The following VWF variants were observed in gnomAD, a reference collection of about 807,000 sequenced individuals.
VWF encodes the protein Factor VIII related antigen.
In VWF, 176 loss-of-function variants were observed where a neutral mutation model predicts 308.6. That is an observed-to-expected ratio of 0.57 (90% CI 0.50 to 0.65). The LOEUF is 0.65. Ranked by LOEUF, VWF falls within the 30% of genes least tolerant of loss-of-function variation. VWF has a pLI of 0.00. For synonymous variants in VWF, 1,385 were observed against 1,443.4 expected (o/e 0.96, Z 0.92); for missense variants, 3,146 against 3,648.2 (o/e 0.86, Z 3.55).
At chr12:6,052,930 C>G in intron 15 of VWF, 147 bp from the exon 16 acceptor site, 1 of 1,262,916 alleles carries the variant, frequency 7.9e-7, no homozygotes. Flanking sequence ...CTTGCAATTA[C>G]AAGAAGTAAT....
Position 5,991,949 on chromosome 12 carries a change from T to G in VWF, c.6668A>C (p.Asn2223Thr), listed in dbSNP as rs369015684. Residue 2223 changes from asparagine to threonine, a missense_variant, in exon 38 of 52, where the codon AAC becomes ACC. Physicochemically the swap from Asn to Thr is moderately conservative, Grantham distance 65. Around this residue, in one of 3 missense-constraint regions of VWF, gnomAD observed 989 missense variants for 1,117.4 expected, o/e 0.89. Coordinates refer to ENST00000261405, the MANE Select transcript of VWF (RefSeq NM_000552.5). ...EHGCPRHCDG[N>T]VSSCGDHPSE... ...GGGATGGTCCCCACAGGAGCTCACG[T>G]TGCCATCACAGTGCCGGGGACAGCC... The G allele has an allele frequency of 1.2e-6, 2 of 1,614,072 alleles. No individual in the cohort carries two copies. Among genetic ancestry groups the G allele is most frequent in the African/African-American group, 2.7e-5 (2 of 74,934 alleles).
chr12:6,080,508 G>A (rs2136480692), intron 6 of VWF, among the ~76,000 whole-genome samples: 1 of 152,362 alleles, frequency 6.6e-6, no homozygotes, highest in Non-Finnish European at 1.5e-5. Flanking sequence ...AGTCTGCACA[G>A]GGCCCTGGAT....
intron 13 of VWF, among the ~76,000 whole-genome samples, chr12:6,061,788 A>G (rs1944657568): frequency 6.6e-6 from 1 of 152,212 alleles, no homozygotes; most frequent in Non-Finnish European, 1.5e-5. Flanking sequence ...TGAAGACGCT[A>G]TTTGCCTTTT....
rs1354387158 is a variant in VWF at position 5,994,576 on chromosome 12, G to A, written c.6095C>T (p.Pro2032Leu). 1.9e-6 allele frequency: 3 copies of A among 1,613,990 alleles called. No individual in the cohort carries two copies. The highest frequency in any genetic ancestry group is 2.2e-5 in the East Asian group (1 of 44,878). ...VTVNGRLVSV[P>L]YVGGNMEVNV... ...GACTTCCATGTTCCCACCCACGTAA[G>A]GAACAGAGACCAGTCTCCCATTCAC... Residue 2032 changes from proline (P) to leucine (L), a missense_variant, in exon 36 of 52, where the codon CCT becomes CTT. Pro to Leu is a moderately conservative substitution (Grantham distance 98). This residue lies in a region of VWF where 989 missense variants were observed against 1,117.4 expected (regional missense o/e 0.89). Coordinates refer to ENST00000261405, the MANE Select transcript of VWF (RefSeq NM_000552.5).
rs116663072 is a variant in VWF, at chr12:6,052,443, G to A, written c.2186+100C>T. 1,053 of 1,570,988 alleles carry A rather than the reference G, an allele frequency of 6.7e-4. 15 individuals carry two copies. The African/African-American group carries it at 0.013, about 19-fold the overall frequency. On this transcript the variant is annotated intron_variant, in intron 16 of 51. Transcript: ENST00000261405. ...CTGGACAAGTCACTTCCTTCCTTGG[G>A]CCCCAGTTTACCCATCCATGAAGTA...
intron 13 of VWF, among the ~76,000 whole-genome samples, chr12:6,059,547 G>A (rs1177526628): frequency 6.6e-6 from 1 of 152,178 alleles, no homozygotes; most frequent in Non-Finnish European, 1.5e-5. Context: ...AGCAGATTTG[G>A]TGTCTGGTGA....
chr12:6,016,731 C>T, intron 29 of VWF, 23 bp downstream of exon 29: 2 of 1,614,250 alleles, frequency 1.2e-6, no homozygotes, highest in Non-Finnish European at 8.5e-7. Context: ...TCACCTGCTG[C>T]TTCAGGTGCC....
chr12:6,058,017 A>G lies in VWF; in HGVS notation c.1561T>C (p.Cys521Arg). The G allele has an allele frequency of 1.9e-6, 3 of 1,613,298 alleles. No homozygotes were observed. The highest frequency in any genetic ancestry group is 2.5e-6 in the Non-Finnish European group (3 of 1,180,040). The change falls in exon 14 of 52, where the codon TGC becomes CGC. Residue 521 changes from cysteine (C) to arginine (R), a missense_variant. Around this residue, in one of 3 missense-constraint regions of VWF, gnomAD observed 1,304 missense variants for 1,353.0 expected, o/e 0.96. Transcript: ENST00000261405. The surrounding 1 kb of genome is among the most constrained non-coding windows in gnomAD (Gnocchi z 4.9). ...CCATTGTAATTCCCACACAGGCCGC[A>G]GGTCTTCCCGGCATAGACGGGGGAC... ...KLSPVYAGKTCGLCGNYNGNQ... is the reference protein window; with the variant it reads ...KLSPVYAGKTRGLCGNYNGNQ...
In VWF at chr12:6,112,450, C is replaced by T. The variant is rs561971417; in HGVS notation, c.221-1482G>A. Among the ~76,000 whole-genome samples the T allele has an allele frequency of 6.6e-5, 10 of 152,096 alleles. No individual in the cohort carries two copies. The South Asian group carries it at 2.1e-3, about 32-fold the overall frequency. ...AGAGTCTGGTCTCAAGCCTTGGAGA[C>T]TGAGAAATTAATGGAAATAGGAAAG... On this transcript the variant is annotated intron_variant, in intron 3 of 51. Coordinates refer to ENST00000261405, the MANE Select transcript of VWF (RefSeq NM_000552.5).
intron 40 of VWF, among the ~76,000 whole-genome samples, chr12:5,984,313 A>G (rs1337507345): frequency 6.6e-6 from 1 of 152,202 alleles, no homozygotes; most frequent in Non-Finnish European, 1.5e-5. Flanking sequence ...CTTTACATTA[A>G]TTGTTCTCAA....
chr12:6,018,983 C>T lies in VWF; in HGVS notation c.4435G>A (p.Gly1479Ser). The T allele has an allele frequency of 4.3e-6, 7 of 1,613,936 alleles. No individual in the cohort carries two copies. Among genetic ancestry groups the T allele is most frequent in the Non-Finnish European group, 5.9e-6 (7 of 1,179,856 alleles). The change falls in exon 28 of 52, where the codon GGC becomes AGC. Residue 1479 changes from glycine (G) to serine (S), a missense_variant. Physicochemically the swap from Gly to Ser is moderately conservative, Grantham distance 56. Around this residue, in one of 3 missense-constraint regions of VWF, gnomAD observed 853 missense variants for 1,177.8 expected, o/e 0.72. Transcript: ENST00000261405. ...GTCGAAACCCCCAAGAGCCCCGGGC[C>T]CACAGTGACTTGTGCCATGTCGGGG... ...LPPDMAQVTV[G>S]PGLLGVSTLG...
chr12:6,109,992 A>G (rs191493912), intron 5 of VWF, among the ~76,000 whole-genome samples: 7 of 152,310 alleles, frequency 4.6e-5, no homozygotes, highest in Admixed American at 1.3e-4. Context: ...TTGCTCGTGA[A>G]CACACACATG....
intron 42 of VWF, among the ~76,000 whole-genome samples, chr12:5,979,499 C>G (rs10849369): frequency 0.076 from 11,522 of 152,274 alleles, 634 homozygotes; most frequent in East Asian, 0.25. Context: ...CGCCTGTAAT[C>G]CCAGCACTTT....
At chr12:6,087,330 C>A in intron 6 of VWF, among the ~76,000 whole-genome samples, 1 of 148,688 alleles carries the variant, frequency 6.7e-6, no homozygotes, top group Admixed American at 6.7e-5. Flanking sequence ...AAGCGCCCAG[C>A]AAGGGTGTCT....
At chr12:6,038,636 G>A (rs1030526066) in intron 18 of VWF, among the ~76,000 whole-genome samples, 1 of 152,208 alleles carries the variant, frequency 6.6e-6, no homozygotes, top group Non-Finnish European at 1.5e-5. Flanking sequence ...GACTGCAGCC[G>A]CCACCTCCTC....
chr12:6,007,687 AGAAG>A, intron 34 of VWF, among the ~76,000 whole-genome samples: 1 of 152,294 alleles, frequency 6.6e-6, no homozygotes, highest in Non-Finnish European at 1.5e-5. Context: ...GTAAGTTAGC[AGAAG>A]GAAGGAAATA....
intron 25 of VWF, 66 bp downstream of exon 25, chr12:6,023,565 G>C: frequency 6.2e-7 from 1 of 1,600,272 alleles, no homozygotes; most frequent in Non-Finnish European, 8.5e-7. Flanking sequence ...CACTCACAAG[G>C]TCTTCAAGCA....
chr12:5,993,091 A>T (rs1224662217), intron 37 of VWF, among the ~76,000 whole-genome samples: 1 of 152,094 alleles, frequency 6.6e-6, no homozygotes, highest in East Asian at 1.9e-4. Context: ...AGTCCTCCAG[A>T]CCCAGCTCAG....
At position 6,065,120 on chromosome 12, in the gene VWF, G is replaced by A. The variant is rs373583060; in HGVS notation, c.1293+17C>T. 9.9e-5 allele frequency: 159 copies of A among 1,614,088 alleles called. No individual in the cohort carries two copies. Among genetic ancestry groups the A allele is most frequent in the East Asian group, 5.1e-4 (23 of 44,878 alleles). ...TTGGGCTACCACCCGACCAGCAGCC[G>A]GGCTGGCAAAGCTCACCTGGACAGT... On this transcript the variant is annotated intron_variant, in intron 11 of 51. Coordinates refer to ENST00000261405, the MANE Select transcript of VWF (RefSeq NM_000552.5).
Sources: gnomAD v4.1 joint callset for allele counts (sites outside exome capture counted in the v4.1 genomes callset) on GRCh38, gnomAD v4.1.1 for gene constraint, gnomAD v4.1.1 regional missense constraint, Gnocchi (gnomAD v3.1) non-coding constraint, MANE v1.5 for transcripts, NCBI Gene and HGNC (gene_info 2026-07-23, HGNC 2026-07-21) for gene names.